Variants in ZNF805 observed in about 807,000 individuals in gnomAD.
The protein encoded by ZNF805 is CTC-444N24.8.
A neutral mutation model predicts 13.6 loss-of-function variants in ZNF805; 7 were observed. The observed-to-expected ratio is 0.51, with a 90% CI of 0.29 to 0.97. ZNF805 has a LOEUF of 0.97. Ranked by LOEUF, ZNF805 falls within the 50% of genes least tolerant of loss-of-function variation. The pLI, the probability that ZNF805 is intolerant of heterozygous loss-of-function variation, is 0.08. For synonymous variants in ZNF805, 293 were observed against 279.8 expected, an observed-to-expected ratio of 1.05 and a Z score of -0.47; for missense variants, 604 against 771.0, an observed-to-expected ratio of 0.78 and a Z score of 2.57.
Position 57,262,366 on chromosome 19 carries a change from C to A in ZNF805, c.*7663C>A, listed in dbSNP as rs776476654. On this transcript the variant is annotated 3_prime_UTR_variant, in exon 4 of 4. Coordinates refer to ENST00000414468, the MANE Select transcript of ZNF805 (RefSeq NM_001023563.4). ...TGTAACCAAGAAAAAAAAAAAAAGT[C>A]AGAGTCACAGTGAAAATACTTAACA... 7.2e-3 allele frequency: 1,119 copies of A among 154,906 alleles called. 6 individuals carry two copies. Among genetic ancestry groups the A allele is most frequent in the Admixed American group, 9.3e-3 (131 of 14,150 alleles). The allele number at this position is 154,906 out of a possible 1,614,324, so 9.6% of individuals were successfully genotyped here.
chr19:57,258,034 C>T lies in ZNF805; in HGVS notation c.*3331C>T, dbSNP rs1377940388. Among the ~76,000 whole-genome samples the T allele has an allele frequency of 1.7e-4, 19 of 113,438 alleles. No individual in the cohort carries two copies. The highest frequency in any genetic ancestry group is 3.4e-4 in the Admixed American group (3 of 8,874). 74.4% of individuals were successfully genotyped at this position (113,438 alleles called of 152,430 possible). A position where few individuals can be genotyped will look rare whatever the true frequency, so the allele number is the denominator to read the frequency against. ...TTTTTTTTTTTTTTTTTTTTTGAGA[C>T]GGAGTCTTGCTCTGTCGCCCTGGCT... On this transcript the variant is annotated 3_prime_UTR_variant, in exon 4 of 4. Coordinates refer to ENST00000414468, the MANE Select transcript of ZNF805 (RefSeq NM_001023563.4).
intron 1 of ZNF805, among the ~76,000 whole-genome samples, chr19:57,241,249 A>G (rs1305940375): frequency 6.6e-6 from 1 of 152,076 alleles, no homozygotes; most frequent in African/African-American, 2.4e-5. Context: ...GCAAGGAGCT[A>G]GATTACTCTC....
At chr19:57,247,786 A>G (rs1447495655) in intron 2 of ZNF805, among the ~76,000 whole-genome samples, 6 of 152,220 alleles carry the variant, frequency 3.9e-5, no homozygotes, top group Non-Finnish European at 5.9e-5. Flanking sequence ...TGACTCAGCC[A>G]TTCTCCAGTT....
intron 2 of ZNF805, among the ~76,000 whole-genome samples, chr19:57,246,298 T>C (rs963712189): frequency 1.4e-4 from 21 of 152,138 alleles, no homozygotes; most frequent in African/African-American, 4.6e-4. Flanking sequence ...CTCAGCCTCC[T>C]GAGTAGCTAG....
At chr19:57,241,078 G>C (rs949238995) in intron 1 of ZNF805, among the ~76,000 whole-genome samples, 157 bp downstream of exon 1, 1 of 152,174 alleles carries the variant, frequency 6.6e-6, no homozygotes, top group South Asian at 2.1e-4. Flanking sequence ...CTCCTGTCGT[G>C]GTAGTACCTG....
intron 1 of ZNF805, among the ~76,000 whole-genome samples, chr19:57,241,810 T>C (rs936168127): frequency 3.3e-5 from 5 of 152,226 alleles, no homozygotes; most frequent in African/African-American, 9.6e-5. Context: ...TGCAAGACCC[T>C]TTCACATCTT....
intron 3 of ZNF805, among the ~76,000 whole-genome samples, chr19:57,250,534 C>G (rs1046889793): frequency 6.7e-6 from 1 of 149,032 alleles, no homozygotes; most frequent in Non-Finnish European, 1.5e-5. Context: ...GCCCGGCCCC[C>G]TTATGGTCTT....
At chr19:57,241,773 C>G (rs1414372714) in intron 1 of ZNF805, among the ~76,000 whole-genome samples, 1 of 152,228 alleles carries the variant, frequency 6.6e-6, no homozygotes, top group African/African-American at 2.4e-5. Flanking sequence ...ACAGTTCATT[C>G]AGCCTCAGAC....
At position 57,240,834 on chromosome 19, in the gene ZNF805, C is replaced by T. The variant is rs542700150; in HGVS notation, c.-58C>T. 2.0e-6 allele frequency: 3 copies of T among 1,526,616 alleles called. No homozygotes were observed. Among genetic ancestry groups the T allele is most frequent in the Non-Finnish European group, 2.7e-6 (3 of 1,130,398 alleles). The allele number at this position is 1,526,616 out of a possible 1,614,324, so 94.6% of individuals were successfully genotyped here. ...GGAAGGGGTGGGGCTCGGCTGAGCCCGCGAGACCCGCCCTGCTCGCCGCAG... is the reference window on the plus strand; with the variant it reads ...GGAAGGGGTGGGGCTCGGCTGAGCCTGCGAGACCCGCCCTGCTCGCCGCAG... On this transcript the variant is annotated 5_prime_UTR_variant, in exon 1 of 4. Transcript: ENST00000414468.
intron 2 of ZNF805, among the ~76,000 whole-genome samples, chr19:57,245,585 C>T (rs542861849): frequency 2.4e-3 from 365 of 149,324 alleles, no homozygotes; most frequent in Non-Finnish European, 4.6e-3. Flanking sequence ...AGAGACCATC[C>T]TGGCTAACAC....
chr19:57,256,934 A>G lies in ZNF805; in HGVS notation c.*2231A>G, dbSNP rs745551600. 1.1e-4 allele frequency among the ~76,000 whole-genome samples: 17 copies of G among 152,052 alleles called. No individual in the cohort carries two copies. The highest frequency in any genetic ancestry group is 4.1e-4 in the African/African-American group (17 of 41,420). On this transcript the variant is annotated 3_prime_UTR_variant, in exon 4 of 4. Coordinates refer to ENST00000414468, the MANE Select transcript of ZNF805 (RefSeq NM_001023563.4). ...TTTTTTAATATAAGCTTTAAGTTCT[A>G]TACATTTTTCTTACACTGCTGTTAG...
At position 57,256,667 on chromosome 19, in the gene ZNF805, T is replaced by C. The variant is rs1351004865; in HGVS notation, c.*1964T>C. Among the ~76,000 whole-genome samples, 2 of 152,184 alleles carry C rather than the reference T, an allele frequency of 1.3e-5. No homozygotes were observed. The highest frequency in any genetic ancestry group is 3.8e-4 in the East Asian group (2 of 5,200). ...GGATCTGTACTTATGTTCCTTGTTG[T>C]ATTCTTGATATTGGAAATGTATCAC... On this transcript the variant is annotated 3_prime_UTR_variant, in exon 4 of 4. Transcript: ENST00000414468.
intron 2 of ZNF805, among the ~76,000 whole-genome samples, chr19:57,248,113 TGAGC>T (rs2087629899): frequency 2.6e-5 from 4 of 151,848 alleles, no homozygotes; most frequent in Non-Finnish European, 5.9e-5. Context: ...GGAGGCTGAG[TGAGC>T]GGAGATCGCG....
chr19:57,249,438 T>TA (rs1234989038), intron 3 of ZNF805, among the ~76,000 whole-genome samples: 2 of 152,252 alleles, frequency 1.3e-5, no homozygotes, highest in African/African-American at 4.8e-5. Context: ...ACATTATTTT[T>TA]ATGCCATTGG....
chr19:57,245,751 C>T (rs567946831), intron 2 of ZNF805, among the ~76,000 whole-genome samples: 33 of 151,798 alleles, frequency 2.2e-4, no homozygotes, highest in African/African-American at 6.8e-4. Context: ...TGCACTCCAG[C>T]CTGGGCGACA....
rs1354156932 is a variant in ZNF805 at position 57,261,174 on chromosome 19, T to G, written c.*6471T>G. Among the ~76,000 whole-genome samples, 1 of 152,334 alleles carries G rather than the reference T, an allele frequency of 6.6e-6. No homozygotes were observed. Among genetic ancestry groups the G allele is most frequent in the South Asian group, 2.1e-4 (1 of 4,832 alleles). ...TTTACTAAAATGGGTCAAACTGTGC[T>G]CATTTATTTATAATCTACTATTCTT... On this transcript the variant is annotated 3_prime_UTR_variant, in exon 4 of 4. Transcript: ENST00000414468.
chr19:57,253,536 C>T lies in ZNF805; in HGVS notation c.717C>T (p.Thr239=), dbSNP rs533800713. Residue 239 remains threonine (T), a synonymous_variant, in exon 4 of 4, where the codon ACC becomes ACT. Coordinates refer to ENST00000414468, the MANE Select transcript of ZNF805 (RefSeq NM_001023563.4). The surrounding 1 kb of genome is among the most constrained non-coding windows in gnomAD (Gnocchi z 4.4). ...KPYECTECGK[T]FSKSTYLLQH... is the part of the protein sequence containing the mutation. Reference sequence around the variant, plus strand: ...ATGAATGCACAGAGTGTGGAAAAACCTTTAGCAAGAGTACATACCTCCTGC... The same window carrying T: ...ATGAATGCACAGAGTGTGGAAAAACTTTTAGCAAGAGTACATACCTCCTGC... The T allele has an allele frequency of 6.2e-7, 1 of 1,612,998 alleles. No individual in the cohort carries two copies. Among genetic ancestry groups the T allele is most frequent in the East Asian group, 2.2e-5 (1 of 44,874 alleles).
chr19:57,243,119 G>C (rs2087589854), intron 1 of ZNF805, among the ~76,000 whole-genome samples: 2 of 152,172 alleles, frequency 1.3e-5, no homozygotes, highest in South Asian at 4.1e-4. Flanking sequence ...GGGCGGCTAA[G>C]GCAGAAGGAT....
rs552138051 is a variant in ZNF805, at chr19:57,251,118, T to G, written c.254-1955T>G. ...TTATGTATGTTGTTCATCTTTCACA[T>G]GTGTAGGGACACATTTTTGATGTTT... On this transcript the variant is annotated intron_variant, in intron 3 of 3. Coordinates refer to ENST00000414468, the MANE Select transcript of ZNF805 (RefSeq NM_001023563.4). Among the ~76,000 whole-genome samples the G allele has an allele frequency of 3.9e-5, 6 of 152,360 alleles. No individual in the cohort carries two copies. The East Asian group carries it at 9.6e-4, about 24-fold the overall frequency.
Sources: gnomAD v4.1 joint callset for allele counts (sites outside exome capture counted in the v4.1 genomes callset) on GRCh38, gnomAD v4.1.1 for gene constraint, Gnocchi (gnomAD v3.1) non-coding constraint, MANE v1.5 for transcripts, NCBI Gene and HGNC (gene_info 2026-07-23, HGNC 2026-07-21) for gene names.